Variants in ALOX5 observed in about 807,000 individuals in gnomAD.
ALOX5 encodes the protein arachidonate 5-lipoxygenase, also known as polyunsaturated fatty acid 5-lipoxygenase.
In ALOX5, 64 loss-of-function variants were observed where a neutral mutation model predicts 87.9. The observed-to-expected ratio is 0.73, with a 90% CI of 0.60 to 0.90. ALOX5 has a LOEUF of 0.90. ALOX5 is among the 40% of genes least tolerant of loss of function. ALOX5 has a pLI of 0.00. For synonymous variants in ALOX5, 388 were observed against 355.1 expected, an observed-to-expected ratio of 1.09 and a Z score of -1.04; for missense variants, 822 against 907.5, an observed-to-expected ratio of 0.91 and a Z score of 1.21.
chr10:45,406,294 T>C (rs1840881020), intron 3 of ALOX5, among the ~76,000 whole-genome samples: 1 of 152,224 alleles, frequency 6.6e-6, no homozygotes, highest in Admixed American at 6.5e-5. Flanking sequence ...ATACATAGTC[T>C]CTGGGTCTGT....
intron 2 of ALOX5, among the ~76,000 whole-genome samples, chr10:45,390,851 C>G (rs1176749538): frequency 6.6e-6 from 1 of 152,146 alleles, no homozygotes; most frequent in African/African-American, 2.4e-5. Flanking sequence ...CAGAGCAGAA[C>G]TGAAGGAGGT....
chr10:45,412,538 T>C (rs1440878477), intron 4 of ALOX5, among the ~76,000 whole-genome samples: 2 of 152,184 alleles, frequency 1.3e-5, no homozygotes, highest in Admixed American at 1.3e-4. Context: ...ACACCAGACA[T>C]ACATGTGTTT....
chr10:45,408,862 A>G (rs1001798696), intron 3 of ALOX5, among the ~76,000 whole-genome samples: 2 of 152,122 alleles, frequency 1.3e-5, no homozygotes, highest in African/African-American at 2.4e-5. Context: ...ATGTTCTTCT[A>G]TTTTGCACAA....
chr10:45,376,089 C>T (rs1299302002), intron 1 of ALOX5, among the ~76,000 whole-genome samples: 1 of 152,210 alleles, frequency 6.6e-6, no homozygotes, highest in Non-Finnish European at 1.5e-5. Flanking sequence ...AGCACGGGCA[C>T]CCCGTGTGTG....
chr10:45,444,029 G>A, intron 12 of ALOX5, 87 bp from the exon 13 acceptor site: 1 of 1,457,212 alleles, frequency 6.9e-7, no homozygotes, highest in Non-Finnish European at 9.1e-7. Flanking sequence ...CGCTGGAGTT[G>A]GGGGGCACGG....
chr10:45,402,585 G>C (rs1840740099), intron 3 of ALOX5, among the ~76,000 whole-genome samples: 1 of 152,148 alleles, frequency 6.6e-6, no homozygotes, highest in Non-Finnish European at 1.5e-5. Context: ...AAAACTGTAA[G>C]ACATTTAGAC....
At chr10:45,427,531 T>A (rs2132814305) in intron 6 of ALOX5, among the ~76,000 whole-genome samples, 1 of 152,352 alleles carries the variant, frequency 6.6e-6, no homozygotes, top group African/African-American at 2.4e-5. Flanking sequence ...GCTTCTGTCC[T>A]GCGTGCCGCC....
chr10:45,409,060 T>G (rs1840974164), intron 3 of ALOX5, among the ~76,000 whole-genome samples: 1 of 152,242 alleles, frequency 6.6e-6, no homozygotes, highest in Non-Finnish European at 1.5e-5. Flanking sequence ...CCTACTCTCA[T>G]AGCAAGTAAC....
intron 7 of ALOX5, among the ~76,000 whole-genome samples, chr10:45,439,260 G>T (rs147073946): frequency 6.6e-6 from 1 of 151,960 alleles, no homozygotes; most frequent in East Asian, 1.9e-4. Flanking sequence ...CACTGTTTTC[G>T]AGGGAGAGAC....
At chr10:45,430,269 C>T (rs1156277495) in intron 7 of ALOX5, among the ~76,000 whole-genome samples, 2 of 152,122 alleles carry the variant, frequency 1.3e-5, no homozygotes, top group Non-Finnish European at 2.9e-5. Context: ...ACAGAATGTT[C>T]CTGGGTCTCT....
intron 6 of ALOX5, among the ~76,000 whole-genome samples, chr10:45,427,551 G>C (rs987744077): frequency 1.3e-5 from 2 of 152,216 alleles, no homozygotes; most frequent in Non-Finnish European, 2.9e-5. Context: ...CGGGCAGCCC[G>C]GGGGTCCTGC....
intron 2 of ALOX5, among the ~76,000 whole-genome samples, chr10:45,386,370 G>A (rs1431631308): frequency 6.6e-6 from 1 of 152,056 alleles, no homozygotes; most frequent in Non-Finnish European, 1.5e-5. Context: ...GGAGGCTGAG[G>A]TTGGGGAATC....
intron 7 of ALOX5, among the ~76,000 whole-genome samples, chr10:45,436,649 A>C (rs992256695): frequency 6.6e-6 from 1 of 151,944 alleles, no homozygotes; most frequent in African/African-American, 2.4e-5. Context: ...TGTTTTTGTT[A>C]CTGTAGTCTT....
In ALOX5 at chr10:45,440,890, A is replaced by G. The variant is rs908637918; in HGVS notation, c.1185+257A>G. Among the ~76,000 whole-genome samples the G allele has an allele frequency of 2.6e-5, 4 of 152,286 alleles. 1 individual carries two copies. The highest frequency in any genetic ancestry group is 7.2e-5 in the African/African-American group (3 of 41,574). ...CCAGCCAGTAGAGTTGGAAAAGGCA[A>G]ATGAGTTCATGGTGATCCTCGGCTG... On this transcript the variant is annotated intron_variant, in intron 8 of 13. Coordinates refer to ENST00000374391, the MANE Select transcript of ALOX5 (RefSeq NM_000698.5).
intron 7 of ALOX5, among the ~76,000 whole-genome samples, chr10:45,434,268 T>C (rs1841999144): frequency 1.3e-5 from 2 of 152,156 alleles, no homozygotes; most frequent in South Asian, 4.1e-4. Flanking sequence ...AGTGAAACTG[T>C]CTGAGGAACA....
chr10:45,441,241 C>A, intron 8 of ALOX5, 103 bp from the exon 9 acceptor site: 1 of 970,874 alleles, frequency 1.0e-6, no homozygotes, highest in Non-Finnish European at 1.6e-6. Context: ...CTGCGCCCAG[C>A]ATCATCCTAT....
chr10:45,408,229 A>G (rs1211116043), intron 3 of ALOX5, among the ~76,000 whole-genome samples: 2 of 152,230 alleles, frequency 1.3e-5, no homozygotes, highest in Non-Finnish European at 2.9e-5. Context: ...CCAGTGGCCC[A>G]TGATGCAGCC....
intron 3 of ALOX5, among the ~76,000 whole-genome samples, chr10:45,405,343 G>GACCT: frequency 6.6e-6 from 1 of 152,316 alleles, no homozygotes; most frequent in Admixed American, 6.5e-5. Context: ...AGTACCCGAT[G>GACCT]ACCTTGTTTG....
intron 3 of ALOX5, among the ~76,000 whole-genome samples, chr10:45,406,504 A>G (rs1217629831): frequency 6.6e-6 from 1 of 152,194 alleles, no homozygotes; most frequent in Non-Finnish European, 1.5e-5. Context: ...CTTTCCATCC[A>G]GGAACACAGC....
Sources: allele counts gnomAD v4.1 joint callset (sites outside exome capture counted in the v4.1 genomes callset), GRCh38; gene constraint gnomAD v4.1.1; transcripts MANE v1.5; gene names NCBI Gene and HGNC (gene_info 2026-07-23, HGNC 2026-07-21).